NAV1: variants seen among roughly 807,000 people sequenced by gnomAD.
The protein encoded by NAV1 is neuron navigator 1, also known as pore membrane and/or filament interacting like protein 3.
In NAV1, 18 loss-of-function variants were observed where a neutral mutation model predicts 175.2. The ratio of observed to expected loss-of-function variants is 0.10; its 90% CI spans 0.07 to 0.15. The LOEUF is 0.15. Among genes scored for constraint, NAV1 ranks in the 10% least tolerant of loss-of-function variants. The probability of loss-of-function intolerance (pLI) is 1.00; values close to 1 mark genes in which losing one functional copy is unlikely to be tolerated. For synonymous variants in NAV1, 897 were observed against 978.7 expected, an observed-to-expected ratio of 0.92 and a Z score of 1.56; for missense variants, 1,731 against 2,436.6, an observed-to-expected ratio of 0.71 and a Z score of 6.10.
intron 1 of NAV1, among the ~76,000 whole-genome samples, chr1:201,649,898 G>A (rs1478881746): frequency 6.6e-6 from 1 of 151,970 alleles, no homozygotes; most frequent in East Asian, 1.9e-4. Flanking sequence ...CCGGAACACA[G>A]CTGAGGCTCC....
intron 3 of NAV1, among the ~76,000 whole-genome samples, chr1:201,727,028 C>T (rs1672635276): frequency 6.6e-6 from 1 of 152,172 alleles, no homozygotes. Flanking sequence ...AGTTTTTCAC[C>T]TCCCTCTGCT....
upstream of NAV1, among the ~76,000 whole-genome samples, chr1:201,643,987 C>T (rs1668893633): frequency 6.6e-6 from 1 of 152,208 alleles, no homozygotes; most frequent in African/African-American, 2.4e-5. Flanking sequence ...CTCATCCTAT[C>T]GCCATTCCAG....
chr1:201,557,992 G>A (rs1666081224), intron 1 of NAV1, among the ~76,000 whole-genome samples: 1 of 152,166 alleles, frequency 6.6e-6, no homozygotes, highest in Non-Finnish European at 1.5e-5. Context: ...ACAGAAACCA[G>A]GGATAAGAAT....
chr1:201,668,999 C>G (rs540305838), intron 1 of NAV1, among the ~76,000 whole-genome samples: 3 of 152,196 alleles, frequency 2.0e-5, no homozygotes, highest in African/African-American at 7.2e-5. Context: ...GTGGCTGGAC[C>G]TAGGGTAGGA....
At chr1:201,656,730 A>G (rs1345156115) in intron 1 of NAV1, among the ~76,000 whole-genome samples, 4 of 152,244 alleles carry the variant, frequency 2.6e-5, no homozygotes, top group African/African-American at 9.6e-5. Context: ...ACATATGCAC[A>G]TACTGAAGGG....
intron 1 of NAV1, among the ~76,000 whole-genome samples, chr1:201,625,127 A>G (rs976782630): frequency 6.6e-6 from 1 of 152,214 alleles, no homozygotes; most frequent in Non-Finnish European, 1.5e-5. Context: ...CGACATACAA[A>G]AACACATGTA....
At chr1:201,565,115 C>T (rs926904263) in intron 1 of NAV1, among the ~76,000 whole-genome samples, 5 of 152,058 alleles carry the variant, frequency 3.3e-5, no homozygotes, top group African/African-American at 1.2e-4. Flanking sequence ...CTTTGGGGTC[C>T]GTTATTCTGC....
rs549327602 is a variant in NAV1 at position 201,782,681 on chromosome 1, T to C, written c.2169T>C (p.Ser723=). 6.2e-7 allele frequency: 1 copy of C among 1,614,038 alleles called. No homozygotes were observed. The highest frequency in any genetic ancestry group is 1.3e-5 in the African/African-American group (1 of 74,990). ...TGAAGGAGCCTACCAAGGTAGCCAG[T>C]GGGCGGACCACTCCAGCCCCTGTCA... Residue 723 remains serine (S), a synonymous_variant, in exon 6 of 30, where the codon AGT becomes AGC. Coordinates refer to ENST00000367296, the Ensembl canonical transcript of NAV1. This position sits in a 1 kb window ranked among gnomAD's most constrained non-coding sequence, Gnocchi z 5.4.
chr1:201,706,273 G>C (rs1671665897), intron 1 of NAV1, among the ~76,000 whole-genome samples: 1 of 151,924 alleles, frequency 6.6e-6, no homozygotes, highest in Non-Finnish European at 1.5e-5. Flanking sequence ...GTGTGTGTGT[G>C]TGTGTGTCTG....
chr1:201,567,540 C>T (rs552725035), intron 1 of NAV1, among the ~76,000 whole-genome samples: 38 of 152,186 alleles, frequency 2.5e-4, no homozygotes, highest in Non-Finnish European at 4.7e-4. Flanking sequence ...GGAGGCATCT[C>T]AGGGATCCAT....
intron 3 of NAV1, chr1:201,723,950 A>G (rs1426316235): frequency 6.6e-6 from 1 of 152,200 alleles, no homozygotes; most frequent in Non-Finnish European, 1.5e-5. Context: ...CTCTAGACCA[A>G]AAAGAAAAAG....
chr1:201,570,758 G>A (rs1201262008), intron 1 of NAV1, among the ~76,000 whole-genome samples: 1 of 152,146 alleles, frequency 6.6e-6, no homozygotes, highest in Non-Finnish European at 1.5e-5. Context: ...TCCTCACTTG[G>A]GATCTATTCT....
chr1:201,557,210 C>T (rs1354707102), intron 1 of NAV1, among the ~76,000 whole-genome samples: 1 of 152,200 alleles, frequency 6.6e-6, no homozygotes. Flanking sequence ...GCAATTAGTA[C>T]CTGAGGCAGG....
At chr1:201,624,862 C>G (rs1455662422) in intron 1 of NAV1, among the ~76,000 whole-genome samples, 2 of 152,168 alleles carry the variant, frequency 1.3e-5, no homozygotes, top group Admixed American at 6.5e-5. Flanking sequence ...TGTACATCAT[C>G]CCTTACACAC....
In NAV1 at chr1:201,757,770, G is replaced by A. The variant is rs150799436; in HGVS notation, c.1227-22651G>A. Among the ~76,000 whole-genome samples the A allele has an allele frequency of 4.7e-3, 722 of 152,316 alleles. 4 individuals carry two copies. The highest frequency in any genetic ancestry group is 0.016 in the African/African-American group (683 of 41,564). ...AGCTGTGGGGCATCAGAGCACTGAC[G>A]TCTTTGACTCGGAAGACTAACCCAA... is the stretch of plus-strand genomic sequence containing the variant. On this transcript the variant is annotated intron_variant, in intron 3 of 29. Coordinates refer to ENST00000367296, the Ensembl canonical transcript of NAV1.
chr1:201,734,449 AGAGGAG>A (rs144699398), intron 3 of NAV1, among the ~76,000 whole-genome samples: 11 of 138,922 alleles, frequency 7.9e-5, no homozygotes, highest in South Asian at 2.3e-4. Context: ...AAGAAGAAGA[AGAGGAG>A]GAGGAGGAGG....
intron 1 of NAV1, among the ~76,000 whole-genome samples, chr1:201,625,571 G>A (rs1668305946): frequency 1.3e-5 from 2 of 152,192 alleles, no homozygotes; most frequent in Admixed American, 6.5e-5. Context: ...ACTCACTTAC[G>A]TCCCCTTGTG....
At chr1:201,809,359 T>G in intron 21 of NAV1, 83 bp from the exon 26 acceptor site, 1 of 1,585,730 alleles carries the variant, frequency 6.3e-7, no homozygotes, top group South Asian at 1.1e-5. Context: ...ACCAAAGAAC[T>G]CAACTCCTAA....
At chr1:201,772,279 A>C (rs921148084) in intron 3 of NAV1, among the ~76,000 whole-genome samples, 63 of 152,218 alleles carry the variant, frequency 4.1e-4, no homozygotes, top group African/African-American at 1.2e-3. Flanking sequence ...GGAAATGGAA[A>C]ATGCCTATGT....
Sources: allele counts gnomAD v4.1 joint callset (sites outside exome capture counted in the v4.1 genomes callset), GRCh38; gene constraint gnomAD v4.1.1; non-coding constraint Gnocchi (gnomAD v3.1); transcripts MANE v1.5; gene names NCBI Gene and HGNC (gene_info 2026-07-23, HGNC 2026-07-21).